Variants in PSD3 observed in about 807,000 individuals in gnomAD.
PSD3 encodes PH and SEC7 domain-containing protein 3.
In PSD3, 49 loss-of-function variants were observed where a neutral mutation model predicts 105.5. The ratio of observed to expected loss-of-function variants is 0.46; its 90% CI spans 0.37 to 0.59. The LOEUF is 0.59. Ranked by LOEUF, PSD3 falls within the 20% of genes least tolerant of loss-of-function variation. The pLI is 0.00. For synonymous variants in PSD3, 557 were observed against 457.8 expected (o/e 1.22, Z -2.77); for missense variants, 1,561 against 1,263.8 (o/e 1.24, Z -3.57).
At chr8:18,945,724 C>T (rs760711682) in intron 1 of PSD3, among the ~76,000 whole-genome samples, 1 of 152,184 alleles carries the variant, frequency 6.6e-6, no homozygotes, top group Non-Finnish European at 1.5e-5. Context: ...ACCTGTAATC[C>T]CAGCACTTTG....
upstream of PSD3, among the ~76,000 whole-genome samples, chr8:19,014,994 T>C (rs144959603): frequency 4.7e-3 from 718 of 152,226 alleles, 2 homozygotes; most frequent in Non-Finnish European, 8.4e-3. This position sits in a 1 kb window ranked among gnomAD's most constrained non-coding sequence, Gnocchi z 4.9. Context: ...TGAGCAGCTG[T>C]GTAGGTTTGG....
intron 2 of PSD3, among the ~76,000 whole-genome samples, chr8:18,883,678 C>T (rs1818267493): frequency 2.6e-5 from 4 of 152,066 alleles, no homozygotes; most frequent in Admixed American, 2.6e-4. Flanking sequence ...GAATATTTTC[C>T]CAAGGTTTTT....
chr8:18,837,390 G>A (rs901225651), intron 4 of PSD3, among the ~76,000 whole-genome samples: 10 of 151,998 alleles, frequency 6.6e-5, no homozygotes, highest in Non-Finnish European at 8.8e-5. Flanking sequence ...CCAAGTAAAC[G>A]TCACTTAAAA....
At chr8:19,013,864 C>G (rs1168208767), upstream of PSD3, among the ~76,000 whole-genome samples, 1 of 139,058 alleles carries the variant, frequency 7.2e-6, no homozygotes, top group Non-Finnish European at 1.6e-5. Flanking sequence ...GAGGCGGGGC[C>G]GACGCCTCGG....
intron 1 of PSD3, among the ~76,000 whole-genome samples, chr8:19,080,235 C>T (rs1829599719): frequency 1.3e-5 from 2 of 152,052 alleles, no homozygotes; most frequent in Non-Finnish European, 2.9e-5. Context: ...AGTTTCATTC[C>T]CTTTCTGTAT....
chr8:18,711,542 ATAACGGTAAAGGATGCAATT>A (rs1802257740), intron 9 of PSD3, among the ~76,000 whole-genome samples: 1 of 152,208 alleles, frequency 6.6e-6, no homozygotes, highest in Non-Finnish European at 1.5e-5. Context: ...AGTGCCTCAC[ATAACGGTAAAGGATGCAATT>A]CAACACGAAG....
chr8:18,985,360 G>T (rs753652770), intron 1 of PSD3, among the ~76,000 whole-genome samples: 97 of 152,232 alleles, frequency 6.4e-4, no homozygotes, highest in Non-Finnish European at 1.2e-3. Flanking sequence ...AAGCACAGAG[G>T]TCTGCATATA....
intron 8 of PSD3, among the ~76,000 whole-genome samples, chr8:18,777,833 T>A (rs1418113535): frequency 6.6e-6 from 1 of 152,168 alleles, no homozygotes; most frequent in Non-Finnish European, 1.5e-5. Context: ...CTGGTAAATA[T>A]CATTTTACTC....
At chr8:18,950,591 A>T (rs1823174337) in intron 1 of PSD3, among the ~76,000 whole-genome samples, 1 of 152,044 alleles carries the variant, frequency 6.6e-6, no homozygotes, top group South Asian at 2.1e-4. Context: ...TATCAGTTCA[A>T]CTGTTTTAGA....
intron 4 of PSD3, among the ~76,000 whole-genome samples, chr8:18,851,837 T>C (rs1452452603): frequency 1.3e-5 from 2 of 152,180 alleles, no homozygotes; most frequent in South Asian, 2.1e-4. Flanking sequence ...AAACTGACAG[T>C]GGAGATTCCT....
At chr8:18,637,379 G>A (rs1305377780) in intron 10 of PSD3, among the ~76,000 whole-genome samples, 6 of 152,068 alleles carry the variant, frequency 3.9e-5, no homozygotes, top group Non-Finnish European at 7.4e-5. Context: ...TCAGATTTAA[G>A]GATTTAGATA....
chr8:18,902,576 T>C (rs1163428046), intron 2 of PSD3, among the ~76,000 whole-genome samples: 1 of 152,234 alleles, frequency 6.6e-6, no homozygotes, highest in African/African-American at 2.4e-5. Context: ...CTTGTCTCCC[T>C]GTGTTGATGT....
At chr8:18,777,625 T>C (rs7824662) in intron 8 of PSD3, among the ~76,000 whole-genome samples, 8,338 of 152,278 alleles carry the variant, frequency 0.055, 762 homozygotes, top group African/African-American at 0.18. Flanking sequence ...AATCAGGATA[T>C]TTTGGATACC....
intron 9 of PSD3, among the ~76,000 whole-genome samples, chr8:18,706,444 A>T (rs774338989): frequency 2.6e-5 from 4 of 152,226 alleles, no homozygotes; most frequent in Non-Finnish European, 5.9e-5. Context: ...ATAGGTCAAC[A>T]AACTAAAAGG....
rs565041386 is a variant in PSD3, at chr8:18,675,408, A to G, written c.2173-19723T>C. ...TTCGTAATCTTATTTATTTACTGGA[A>G]TCAAACACACACTTGGCTCACCAGA... On this transcript the variant is annotated intron_variant, in intron 9 of 15. Transcript: ENST00000327040. Among the ~76,000 whole-genome samples the G allele has an allele frequency of 2.0e-5, 3 of 152,300 alleles. No homozygotes were observed. In the South Asian group the frequency reaches 6.2e-4, roughly 32 times the overall value.
intron 1 of PSD3, among the ~76,000 whole-genome samples, chr8:18,979,193 A>T (rs896199969): frequency 2.0e-5 from 3 of 152,028 alleles, no homozygotes; most frequent in Non-Finnish European, 4.4e-5. Flanking sequence ...GCACATAGCC[A>T]TCTTTGTTGT....
Position 18,658,518 on chromosome 8 carries a change from A to G in PSD3, c.2173-2833T>C, listed in dbSNP as rs1809065892. 2.1e-5 allele frequency among the ~76,000 whole-genome samples: 3 copies of G among 141,802 alleles called. No individual in the cohort carries two copies. In the South Asian group the frequency reaches 7.1e-4, roughly 33 times the overall value. The allele number at this position is 141,802 out of a possible 152,430, so 93.0% of individuals were successfully genotyped here. A position where few individuals can be genotyped will look rare whatever the true frequency, so the allele number is the denominator to read the frequency against. On this transcript the variant is annotated intron_variant, in intron 9 of 15. Coordinates refer to ENST00000327040, the MANE Select transcript of PSD3 (RefSeq NM_015310.4). The stretch of plus-strand genomic sequence containing the variant: ...ACATGAAAATATTAATAGATACTAT[A>G]TAATTCTTTTTTTTTTTTTTTTGAG...
At chr8:18,988,472 C>T (rs560019452) in intron 1 of PSD3, among the ~76,000 whole-genome samples, 4 of 152,272 alleles carry the variant, frequency 2.6e-5, no homozygotes, top group South Asian at 2.1e-4. Context: ...TCAGGGAAGG[C>T]GGCATTTCTA....
chr8:18,949,244 A>AAAAAAAAAAATATAT (rs1345423514), intron 1 of PSD3, among the ~76,000 whole-genome samples: 2 of 14,408 alleles, frequency 1.4e-4, no homozygotes, highest in Non-Finnish European at 3.6e-4. Context: ...AAAAAAAAAA[A>AAAAAAAAAAATATAT]ATATATATAT....
Sources: allele counts gnomAD v4.1 joint callset (sites outside exome capture counted in the v4.1 genomes callset), GRCh38; gene constraint gnomAD v4.1.1; non-coding constraint Gnocchi (gnomAD v3.1); transcripts MANE v1.5; gene names NCBI Gene and HGNC (gene_info 2026-07-23, HGNC 2026-07-21).